Variants in PRR5 observed in about 807,000 individuals in gnomAD.
PRR5 encodes proline rich 5.
Under a neutral mutation model 30.6 loss-of-function variants are expected in PRR5, and 25 were observed. The observed-to-expected ratio is 0.82, with a 90% CI of 0.60 to 1.14. The LOEUF is 1.14. Ranked by LOEUF, PRR5 falls within the 50% of genes most tolerant of loss-of-function variation. PRR5 has a pLI of 0.00. For missense variants in PRR5, 600 were observed against 547.1 expected (o/e 1.10, Z -0.96); for synonymous variants, 286 against 247.1 (o/e 1.16, Z -1.48).
intron 5 of PRR5, 152 bp from the exon 6 acceptor site, chr22:44,732,099 C>T (rs1174463559): frequency 1.6e-6 from 2 of 1,281,490 alleles, no homozygotes; most frequent in Admixed American, 2.3e-5. Flanking sequence ...AAGGGGCCCT[C>T]TATCCTTGGG....
chr22:44,690,427 G>A (rs1165379570), intron 1 of PRR5, among the ~76,000 whole-genome samples: 1 of 152,180 alleles, frequency 6.6e-6, no homozygotes, highest in East Asian at 1.9e-4. Context: ...GGGGTTGGGG[G>A]GAACCTGACA....
At chr22:44,712,149 C>T (rs966396101) in intron 1 of PRR5, among the ~76,000 whole-genome samples, 1 of 152,136 alleles carries the variant, frequency 6.6e-6, no homozygotes, top group African/African-American at 2.4e-5. Context: ...GGGTGGCGCT[C>T]TCACGATTCC....
At chr22:44,695,954 A>C (rs1347924042) in intron 1 of PRR5, among the ~76,000 whole-genome samples, 1 of 65,210 alleles carries the variant, frequency 1.5e-5, no homozygotes, top group Non-Finnish European at 2.9e-5. Context: ...TTTTTGATAC[A>C]GAGTCCCTCT....
At chr22:44,679,161 C>T (rs74641124) in intron 1 of PRR5, among the ~76,000 whole-genome samples, 6,493 of 152,178 alleles carry the variant, frequency 0.043, 459 homozygotes, top group African/African-American at 0.15. Context: ...ATTCTGCAAA[C>T]GCAGCATTTA....
intron 2 of PRR5, among the ~76,000 whole-genome samples, chr22:44,724,426 C>T (rs930621411): frequency 6.6e-6 from 1 of 151,718 alleles, no homozygotes; most frequent in African/African-American, 2.4e-5. Context: ...CAAAGCAAAA[C>T]TTCGTCTCAA....
intron 1 of PRR5, among the ~76,000 whole-genome samples, chr22:44,669,643 G>C (rs529122172): frequency 6.6e-6 from 1 of 152,342 alleles, no homozygotes; most frequent in South Asian, 2.1e-4. Context: ...AGCCAAGGTA[G>C]AAGGCTGGGG....
intron 4 of PRR5, chr22:44,729,835 C>T (rs1374328007): frequency 8.1e-6 from 8 of 985,368 alleles, no homozygotes; most frequent in Admixed American, 6.1e-5. Flanking sequence ...CTGAGCAGAA[C>T]GCAGGCCTGG....
chr22:44,682,614 C>A (rs1277077579), intron 1 of PRR5, among the ~76,000 whole-genome samples: 1 of 152,210 alleles, frequency 6.6e-6, no homozygotes, highest in East Asian at 1.9e-4. Flanking sequence ...AGATTTGAAT[C>A]CGGCACTTAG....
chr22:44,714,558 A>C (rs758422190), intron 1 of PRR5, 33 bp from the exon 2 acceptor site: 1 of 1,610,394 alleles, frequency 6.2e-7, no homozygotes, highest in South Asian at 1.1e-5. Context: ...CTCAGACCTC[A>C]GGACTGCAGT....
intron 1 of PRR5, among the ~76,000 whole-genome samples, chr22:44,706,747 C>T (rs1017575984): frequency 1.3e-5 from 2 of 152,000 alleles, no homozygotes; most frequent in South Asian, 2.1e-4. Flanking sequence ...AGGCTGATCT[C>T]GAACTTCTGA....
At chr22:44,685,759 C>T (rs1180088779) in intron 1 of PRR5, among the ~76,000 whole-genome samples, 1 of 152,270 alleles carries the variant, frequency 6.6e-6, no homozygotes, top group Non-Finnish European at 1.5e-5. Flanking sequence ...AGAACTTCTA[C>T]ACAGAATCCC....
chr22:44,734,266 G>T (rs1238046717), intron 6 of PRR5: 1 of 151,942 alleles, frequency 6.6e-6, no homozygotes, highest in Non-Finnish European at 1.5e-5. Flanking sequence ...GCGAAACTCT[G>T]TCTCAAAAAA....
At chr22:44,673,769 G>A (rs1057230293), upstream of PRR5, among the ~76,000 whole-genome samples, 2 of 152,180 alleles carry the variant, frequency 1.3e-5, no homozygotes, top group Non-Finnish European at 1.5e-5. Context: ...GATCCTGAGC[G>A]TGGCTTTGGC....
chr22:44,708,367 G>A (rs1276230647), intron 1 of PRR5, among the ~76,000 whole-genome samples: 1 of 152,120 alleles, frequency 6.6e-6, no homozygotes, highest in Non-Finnish European at 1.5e-5. Context: ...GCCAGGGCTA[G>A]GTGGGTGTTG....
At chr22:44,676,826 G>T (rs1441688658), upstream of PRR5, 1 of 152,316 alleles carries the variant, frequency 6.6e-6, no homozygotes, top group Non-Finnish European at 1.5e-5. Flanking sequence ...GGTGCTCTGT[G>T]GGCTTGGAGG....
intron 1 of PRR5, among the ~76,000 whole-genome samples, chr22:44,705,988 C>T (rs1245058549): frequency 1.3e-5 from 2 of 152,120 alleles, no homozygotes; most frequent in Non-Finnish European, 2.9e-5. Flanking sequence ...TTAGTAGAGA[C>T]AGGGTTTCAC....
intron 1 of PRR5, among the ~76,000 whole-genome samples, chr22:44,681,003 G>A (rs1327668254): frequency 2.0e-5 from 3 of 152,224 alleles, no homozygotes; most frequent in Non-Finnish European, 4.4e-5. Context: ...CCAGGGCCAC[G>A]ATTGTCTGCC....
intron 6 of PRR5, among the ~76,000 whole-genome samples, chr22:44,732,698 G>T (rs1300141207): frequency 1.3e-5 from 2 of 151,860 alleles, no homozygotes; most frequent in African/African-American, 4.8e-5. Context: ...ACACATACTT[G>T]TGCACACGCA....
chr22:44,675,787 TTATTATTATTAC>T (rs1454364599), upstream of PRR5, among the ~76,000 whole-genome samples: 174 of 148,696 alleles, frequency 1.2e-3, 1 homozygote, highest in African/African-American at 3.9e-3. Context: ...ATTATTATTA[TTATTATTATTAC>T]TTAGGTCACA....
Sources: allele counts gnomAD v4.1 joint callset (sites outside exome capture counted in the v4.1 genomes callset), GRCh38; gene constraint gnomAD v4.1.1; transcripts MANE v1.5; gene names NCBI Gene and HGNC (gene_info 2026-07-23, HGNC 2026-07-21).